ADAM15: variants seen among roughly 807,000 people sequenced by gnomAD.
ADAM15 encodes the protein disintegrin and metalloproteinase domain-containing protein 15.
In ADAM15, 77 loss-of-function variants were observed where a neutral mutation model predicts 113.8. The observed-to-expected ratio is 0.68, with a 90% CI of 0.56 to 0.82. The LOEUF (loss-of-function observed/expected upper bound fraction) is 0.82, where lower values mean the gene tolerates loss of function less well. Ranked by LOEUF, ADAM15 falls within the 40% of genes least tolerant of loss-of-function variation. ADAM15 has a pLI of 0.00. For synonymous variants in ADAM15, 388 were observed against 454.1 expected, an observed-to-expected ratio of 0.85 and a Z score of 1.85; for missense variants, 963 against 1,120.1, an observed-to-expected ratio of 0.86 and a Z score of 2.00.
chr1:155,055,642 C>G, intron 6 of ADAM15, 148 bp from the exon 7 acceptor site: 1 of 810,572 alleles, frequency 1.2e-6, no homozygotes, highest in Admixed American at 2.0e-5. Context: ...TTCCTGGGCC[C>G]TCTGGCCTTC....
At chr1:155,061,621 ACT>A (rs1420323113) in intron 20 of ADAM15, 132 bp downstream of exon 20, 4 of 1,013,262 alleles carry the variant, frequency 3.9e-6, no homozygotes, top group African/African-American at 1.6e-5. Flanking sequence ...GCCTTCAGAC[ACT>A]CTGAGCCCCA....
intron 16 of ADAM15, among the ~76,000 whole-genome samples, chr1:155,059,616 G>A (rs1016296788): frequency 2.0e-5 from 3 of 152,150 alleles, no homozygotes; most frequent in African/African-American, 7.2e-5. Context: ...GCAACAGAGT[G>A]AGACTCCATC....
At chr1:155,051,496 G>T (rs1373661611) in intron 1 of ADAM15, 31 bp downstream of exon 1, 4 of 1,510,434 alleles carry the variant, frequency 2.6e-6, no homozygotes, top group Non-Finnish European at 3.5e-6. Flanking sequence ...GGGTCGGGGG[G>T]CGGACTGGGA....
At chr1:155,051,512 G>A (rs1342638546) in intron 1 of ADAM15, 47 bp downstream of exon 1, 2 of 1,474,404 alleles carry the variant, frequency 1.4e-6, no homozygotes, top group African/African-American at 3.0e-5. Context: ...TGGGAGGGAG[G>A]TGCAGGAAAG....
Position 155,062,548 on chromosome 1 carries a change from A to G in ADAM15, c.*46A>G, listed in dbSNP as rs2102434316. 1 of 1,603,138 alleles carries G rather than the reference A, an allele frequency of 6.2e-7. No individual in the cohort carries two copies. ...CCTCCAAGCCGGACTTAGGGCTTCA[A>G]GAGGCGGGCGTGCCCTCTGGAGTCC... On this transcript the variant is annotated 3_prime_UTR_variant, in exon 23 of 23. Coordinates refer to ENST00000356955, the MANE Select transcript of ADAM15 (RefSeq NM_207197.3). This position sits in a 1 kb window ranked among gnomAD's most constrained non-coding sequence, Gnocchi z 7.0.
At chr1:155,052,607 C>G (rs1211149601) in intron 1 of ADAM15, 64 bp from the exon 2 acceptor site, 1 of 1,554,796 alleles carries the variant, frequency 6.4e-7, no homozygotes, top group African/African-American at 1.4e-5. Context: ...CTGAGGGCAC[C>G]TGTCACCCCC....
chr1:155,059,798 C>T, intron 16 of ADAM15, 104 bp from the exon 17 acceptor site: 1 of 1,272,926 alleles, frequency 7.9e-7, no homozygotes, highest in Middle Eastern at 1.9e-4. Flanking sequence ...ACACACATAC[C>T]CAGCACAACC....
At chr1:155,053,867 G>T in intron 3 of ADAM15, 43 bp from the exon 4 acceptor site, 1 of 1,601,632 alleles carries the variant, frequency 6.2e-7, no homozygotes, top group South Asian at 1.1e-5. Flanking sequence ...TGCACGACCT[G>T]GGAAGTGGCT....
chr1:155,052,572 CT>C, intron 1 of ADAM15, 98 bp from the exon 2 acceptor site: 1 of 1,551,230 alleles, frequency 6.4e-7, no homozygotes, highest in Non-Finnish European at 8.7e-7. Flanking sequence ...ACCTAAGGGT[CT>C]TGATGGGCTG....
intron 19 of ADAM15, 25 bp from the exon 20 acceptor site, chr1:155,061,390 C>T (rs752256356): frequency 8.7e-6 from 14 of 1,606,386 alleles, no homozygotes; most frequent in Non-Finnish European, 1.2e-5. Flanking sequence ...CCCTCTGTGC[C>T]TATCTGCCCC....
chr1:155,061,281 G>C, intron 19 of ADAM15, 134 bp from the exon 20 acceptor site: 1 of 635,492 alleles, frequency 1.6e-6, no homozygotes, highest in South Asian at 1.9e-5. Context: ...GCATGCACCT[G>C]CATAACTGCA....
In ADAM15 at chr1:155,056,052, C is replaced by T; in HGVS notation, c.745-28C>T. 6.2e-7 allele frequency: 1 copy of T among 1,612,346 alleles called. No individual in the cohort carries two copies. On this transcript the variant is annotated intron_variant, in intron 8 of 22. Coordinates refer to ENST00000356955, the MANE Select transcript of ADAM15 (RefSeq NM_207197.3). The surrounding 1 kb of genome is among the most constrained non-coding windows in gnomAD (Gnocchi z 4.0). The stretch of plus-strand genomic sequence containing the variant: ...CCCCAGGCCCCTGACCATGGCAACC[C>T]CTCTTCTGAGCCCCAGCTGTCTTTC...
At chr1:155,051,591 CT>C in intron 1 of ADAM15, 126 bp downstream of exon 1, 1 of 894,576 alleles carries the variant, frequency 1.1e-6, no homozygotes, top group Non-Finnish European at 1.6e-6. Context: ...GCGGCCCGCC[CT>C]GGTCCGCTGT....
At chr1:155,055,237 A>ATTG (rs1661595992) in intron 6 of ADAM15, among the ~76,000 whole-genome samples, 2 of 151,360 alleles carry the variant, frequency 1.3e-5, no homozygotes, top group Non-Finnish European at 2.9e-5. Flanking sequence ...TATTATTATT[A>ATTG]TTATTTGAGA....
rs780417758 is a variant in ADAM15 at position 155,062,553 on chromosome 1, C to A, written c.*51C>A. 6.3e-7 allele frequency: 1 copy of A among 1,598,200 alleles called. No individual in the cohort carries two copies. Among genetic ancestry groups the A allele is most frequent in the Non-Finnish European group, 8.5e-7 (1 of 1,172,660 alleles). ...AAGCCGGACTTAGGGCTTCAAGAGG[C>A]GGGCGTGCCCTCTGGAGTCCCCTAC... On this transcript the variant is annotated 3_prime_UTR_variant, in exon 23 of 23. Transcript: ENST00000356955. The surrounding 1 kb of genome is among the most constrained non-coding windows in gnomAD (Gnocchi z 7.0).
intron 3 of ADAM15, 111 bp from the exon 4 acceptor site, chr1:155,053,799 G>T: frequency 2.3e-6 from 3 of 1,282,324 alleles, no homozygotes; most frequent in Non-Finnish European, 3.3e-6. Context: ...GGAAAAGTTG[G>T]CTGCGGGGGT....
In ADAM15 at chr1:155,060,155, A is replaced by G. The variant is rs1034237043; in HGVS notation, c.2069-50A>G. ...CTCCCTGCCCCCTGCGCCTTCATGG[A>G]TCTAGAGTTCTTAGCCCCGTCCTCC... is the stretch of plus-strand genomic sequence containing the variant. On this transcript the variant is annotated intron_variant, in intron 17 of 22. Transcript: ENST00000356955. The G allele has an allele frequency of 3.1e-6, 5 of 1,606,662 alleles. No individual in the cohort carries two copies. The African/African-American group carries it at 4.0e-5, about 13-fold the overall frequency.
intron 6 of ADAM15, 95 bp downstream of exon 6, chr1:155,054,601 C>G: frequency 7.6e-7 from 1 of 1,308,822 alleles, no homozygotes; most frequent in Non-Finnish European, 1.0e-6. Flanking sequence ...ACAGCTCCTG[C>G]GAATGGAGCA....
chr1:155,056,194 TG>T lies in ADAM15; in HGVS notation c.861del (p.Trp287CysfsTer18), dbSNP rs1430042019. 3 of 1,613,946 alleles carry T rather than the reference TG, an allele frequency of 1.9e-6. No individual in the cohort carries two copies. The African/African-American group carries it at 4.0e-5, about 22-fold the overall frequency. Reference protein sequence around the residue: ...PAVTLENFLHWRRAHLLPRLP... With the variant: ...PAVTLENFLHXRRAHLLPRLP... ...TGTCACCCTCGAAAACTTCCTCCACTGGCGCAGGGCACATTTGCTGCCTCGA... is the reference window on the plus strand; with the variant it reads ...TGTCACCCTCGAAAACTTCCTCCACTGCGCAGGGCACATTTGCTGCCTCGA... On this transcript the variant is annotated frameshift_variant, in exon 9 of 23. Transcript: ENST00000356955. LOFTEE classifies it high-confidence loss of function. This position sits in a 1 kb window ranked among gnomAD's most constrained non-coding sequence, Gnocchi z 4.0.
Sources: gnomAD v4.1 joint callset for allele counts (sites outside exome capture counted in the v4.1 genomes callset) on GRCh38, gnomAD v4.1.1 for gene constraint, Gnocchi (gnomAD v3.1) non-coding constraint, MANE v1.5 for transcripts, NCBI Gene and HGNC (gene_info 2026-07-23, HGNC 2026-07-21) for gene names.